Variants in PSD3 observed in about 807,000 individuals in gnomAD.
PSD3 encodes pleckstrin and Sec7 domain containing 3, also known as PH and SEC7 domain-containing protein 3.
In PSD3, 49 loss-of-function variants were observed where a neutral mutation model predicts 105.5. That is an observed-to-expected ratio of 0.46 (90% CI 0.37 to 0.59). The LOEUF is 0.59. Ranked by LOEUF, PSD3 falls within the 20% of genes least tolerant of loss-of-function variation. The probability of loss-of-function intolerance (pLI) is 0.00; values close to 1 mark genes in which losing one functional copy is unlikely to be tolerated. For missense variants in PSD3, 1,561 were observed against 1,263.8 expected (o/e 1.24, Z -3.57); for synonymous variants, 557 against 457.8 (o/e 1.22, Z -2.77).
At chr8:18,903,629 C>T (rs771430494) in intron 2 of PSD3, among the ~76,000 whole-genome samples, 1 of 152,048 alleles carries the variant, frequency 6.6e-6, no homozygotes, top group Admixed American at 6.5e-5. Flanking sequence ...TCAGTTCAGC[C>T]CAGGGATGTG....
At chr8:19,004,292 C>G (rs1017370359) in intron 1 of PSD3, among the ~76,000 whole-genome samples, 1 of 151,970 alleles carries the variant, frequency 6.6e-6, no homozygotes, top group African/African-American at 2.4e-5. Flanking sequence ...TCTCAAATAG[C>G]TCAGGCAAAG....
chr8:18,870,090 G>C (rs539088674), intron 3 of PSD3, among the ~76,000 whole-genome samples: 3 of 152,176 alleles, frequency 2.0e-5, no homozygotes, highest in Non-Finnish European at 4.4e-5. Flanking sequence ...GAGCTGATGG[G>C]TTGGGGAGGG....
chr8:18,589,482 C>T lies in PSD3; in HGVS notation c.2481+10882G>A, dbSNP rs184466999. 5.3e-5 allele frequency among the ~76,000 whole-genome samples: 8 copies of T among 152,280 alleles called. No homozygotes were observed. The East Asian group carries it at 1.4e-3, about 26-fold the overall frequency. On this transcript the variant is annotated intron_variant, in intron 12 of 15. Transcript: ENST00000327040. The stretch of plus-strand genomic sequence containing the variant: ...GCATTCCATGCTCCAATATTCCTTA[C>T]CTGATGTATTCCAAAAGGAAGATGA...
intron 15 of PSD3, among the ~76,000 whole-genome samples, chr8:18,543,920 T>G (rs533483553): frequency 6.6e-6 from 1 of 152,192 alleles, no homozygotes; most frequent in South Asian, 2.1e-4. Flanking sequence ...CTCTGATACA[T>G]GAATACGATA....
At chr8:18,866,564 T>C (rs971558456) in intron 4 of PSD3, among the ~76,000 whole-genome samples, 3 of 152,206 alleles carry the variant, frequency 2.0e-5, no homozygotes, top group African/African-American at 7.2e-5. Flanking sequence ...TTTTGACACC[T>C]TGTTCTTTTT....
intron 1 of PSD3, among the ~76,000 whole-genome samples, chr8:19,053,771 A>G (rs528320600): frequency 2.0e-5 from 3 of 152,246 alleles, no homozygotes; most frequent in African/African-American, 7.2e-5. Flanking sequence ...AAACTTTATC[A>G]CTAGATCTGT....
intron 1 of PSD3, among the ~76,000 whole-genome samples, chr8:18,998,813 A>G (rs1397642137): frequency 9.3e-6 from 1 of 107,958 alleles, no homozygotes; most frequent in Admixed American, 1.1e-4. Flanking sequence ...GATGCAAAGT[A>G]CAAAGCACTT....
At chr8:19,051,473 G>C (rs1442201941) in intron 1 of PSD3, among the ~76,000 whole-genome samples, 2 of 152,170 alleles carry the variant, frequency 1.3e-5, no homozygotes, top group African/African-American at 4.8e-5. Context: ...ACCCCACATA[G>C]TGCTGGCACA....
intron 14 of PSD3, among the ~76,000 whole-genome samples, chr8:18,564,043 C>T (rs1385621443): frequency 6.6e-6 from 1 of 151,732 alleles, no homozygotes; most frequent in African/African-American, 2.4e-5. Context: ...GTGCTGAACT[C>T]GTTTATGAGT....
At chr8:18,842,400 G>C (rs796485882) in intron 4 of PSD3, among the ~76,000 whole-genome samples, 67 of 152,328 alleles carry the variant, frequency 4.4e-4, no homozygotes, top group African/African-American at 1.6e-3. Context: ...TTCTCTTTGA[G>C]AGCAATCTGG....
intron 9 of PSD3, among the ~76,000 whole-genome samples, chr8:18,744,582 G>T (rs1804831816): frequency 6.6e-6 from 1 of 152,124 alleles, no homozygotes; most frequent in Non-Finnish European, 1.5e-5. Context: ...TAACTACCCA[G>T]CATCTTTCTT....
rs377226519 is a variant in PSD3 at position 18,671,821 on chromosome 8, T to C, written c.2173-16136A>G. ...TAATTTTTTGTATTTTTAGTAGAGA[T>C]GGGGTTTCACCGTGTTAGCCAGAAT... is the stretch of plus-strand genomic sequence containing the variant. On this transcript the variant is annotated intron_variant, in intron 9 of 15. Coordinates refer to ENST00000327040, the MANE Select transcript of PSD3 (RefSeq NM_015310.4). Among the ~76,000 whole-genome samples the C allele has an allele frequency of 3.1e-3, 467 of 152,176 alleles. 2 individuals carry two copies. The highest frequency in any genetic ancestry group is 6.0e-3 in the South Asian group (29 of 4,822).
chr8:19,022,710 G>A (rs1199361817), intron 1 of PSD3, among the ~76,000 whole-genome samples: 1 of 152,158 alleles, frequency 6.6e-6, no homozygotes, highest in Non-Finnish European at 1.5e-5. Flanking sequence ...GCTTGGGGCT[G>A]GAGAGTAGCA....
chr8:18,556,391 AAAC>A lies in PSD3; in HGVS notation c.2785-42_2785-40del, dbSNP rs759579433. The A allele has an allele frequency of 3.8e-6, 6 of 1,588,546 alleles. No individual in the cohort carries two copies. In the African/African-American group the frequency reaches 6.8e-5, roughly 18 times the overall value. On this transcript the variant is annotated intron_variant, in intron 14 of 15. Coordinates refer to ENST00000327040, the MANE Select transcript of PSD3 (RefSeq NM_015310.4). ...TGATGCCATTTAGCGTTCAAAAAAA[AAAC>A]AAGTCAATAACAAAGCACAGCATAC...
chr8:18,930,569 A>AT lies in PSD3; in HGVS notation c.130+5464dup, dbSNP rs5889836. Among the ~76,000 whole-genome samples, 1,304 of 133,086 alleles carry AT rather than the reference A, an allele frequency of 9.8e-3. 10 individuals carry two copies. Among genetic ancestry groups the AT allele is most frequent in the Non-Finnish European group, 0.014 (921 of 63,698 alleles). The allele number at this position is 133,086 out of a possible 152,430, so 87.3% of individuals were successfully genotyped here. ...TTTAACTTCTTAACTAACTTTTTCA[A>AT]TTTTTTTTTTTTTTTTTTTGAGATG... is the stretch of plus-strand genomic sequence containing the variant. On this transcript the variant is annotated intron_variant, in intron 2 of 15. Coordinates refer to ENST00000327040, the MANE Select transcript of PSD3 (RefSeq NM_015310.4).
chr8:18,752,480 TA>T (rs1227264975), intron 9 of PSD3, among the ~76,000 whole-genome samples: 53 of 39,220 alleles, frequency 1.4e-3, no homozygotes, highest in Middle Eastern at 0.014. Context: ...ATATATATAT[TA>T]TTATATATAT....
intron 2 of PSD3, among the ~76,000 whole-genome samples, chr8:18,875,000 C>T (rs1463214794): frequency 6.6e-6 from 1 of 152,142 alleles, no homozygotes; most frequent in Admixed American, 6.5e-5. Flanking sequence ...ACCGCAGCCT[C>T]GAACTCCTCG....
intron 1 of PSD3, among the ~76,000 whole-genome samples, chr8:19,027,367 G>C (rs1011645490): frequency 6.6e-6 from 1 of 152,188 alleles, no homozygotes; most frequent in African/African-American, 2.4e-5. Flanking sequence ...GAACCCAGCT[G>C]TTTGGTTTTT....
intron 9 of PSD3, among the ~76,000 whole-genome samples, chr8:18,656,776 T>C (rs4921946): frequency 0.4 from 60,971 of 151,610 alleles, 12,747 homozygotes; most frequent in South Asian, 0.51. Context: ...CGACTATTCA[T>C]GACCATGATA....
Sources: allele counts gnomAD v4.1 joint callset (sites outside exome capture counted in the v4.1 genomes callset), GRCh38; gene constraint gnomAD v4.1.1; transcripts MANE v1.5; gene names NCBI Gene and HGNC (gene_info 2026-07-23, HGNC 2026-07-21).